SPMIP2: variants seen among roughly 807,000 people sequenced by gnomAD.
The protein encoded by SPMIP2 is protein SPMIP2.
the SPMIP2 span, among the ~76,000 whole-genome samples, chr4:159,055,326 A>T: frequency 2.6e-5 from 4 of 152,176 alleles, no homozygotes; most frequent in Non-Finnish European, 5.9e-5. Flanking sequence ...TACAAATGTC[A>T]TGGGAAACTG....
At chr4:159,076,629 A>AAT in the SPMIP2 span, among the ~76,000 whole-genome samples, 1 of 152,158 alleles carries the variant, frequency 6.6e-6, no homozygotes, top group Non-Finnish European at 1.5e-5. Flanking sequence ...AACAGTAATA[A>AAT]ATACTTTAAA....
chr4:158,986,400 G>A, the SPMIP2 span, among the ~76,000 whole-genome samples: 4 of 152,200 alleles, frequency 2.6e-5, no homozygotes, highest in Non-Finnish European at 5.9e-5. Flanking sequence ...CAAGGCTACA[G>A]TAACCAAAAC....
At chr4:159,080,838 C>T in the SPMIP2 span, among the ~76,000 whole-genome samples, 1 of 152,084 alleles carries the variant, frequency 6.6e-6, no homozygotes, top group South Asian at 2.1e-4. Context: ...GTTCTCCTGC[C>T]TCAGCCTCCT....
chr4:159,052,954 TA>T, the SPMIP2 span, among the ~76,000 whole-genome samples: 16 of 108,202 alleles, frequency 1.5e-4, no homozygotes, highest in South Asian at 1.1e-3. Flanking sequence ...TTATTATTAT[TA>T]TTTTTTTTTT....
the SPMIP2 span, among the ~76,000 whole-genome samples, chr4:159,019,891 A>G: frequency 1.3e-5 from 2 of 152,184 alleles, no homozygotes; most frequent in Admixed American, 6.5e-5. Context: ...ACAATAAATT[A>G]GAGTTGATTT....
the SPMIP2 span, among the ~76,000 whole-genome samples, chr4:158,987,415 T>C: frequency 6.6e-6 from 1 of 151,812 alleles, no homozygotes; most frequent in South Asian, 2.1e-4. Context: ...GGATTAAGAA[T>C]ATGTGGCACA....
At chr4:158,916,477 G>A in the SPMIP2 span, among the ~76,000 whole-genome samples, 5 of 152,138 alleles carry the variant, frequency 3.3e-5, no homozygotes, top group African/African-American at 1.2e-4. Flanking sequence ...TGTGGTGGGA[G>A]GGAAGTGACC....
At chr4:159,001,475 A>G in the SPMIP2 span, among the ~76,000 whole-genome samples, 1 of 152,096 alleles carries the variant, frequency 6.6e-6, no homozygotes, top group African/African-American at 2.4e-5. Flanking sequence ...AGTACCCAAT[A>G]GTTACTTTTT....
the SPMIP2 span, among the ~76,000 whole-genome samples, chr4:158,929,824 C>A: frequency 6.6e-6 from 1 of 152,114 alleles, no homozygotes; most frequent in African/African-American, 2.4e-5. Flanking sequence ...AGTTACAAAT[C>A]AAAAATATAT....
the SPMIP2 span, chr4:158,907,883 A>G: frequency 6.6e-6 from 1 of 152,192 alleles, no homozygotes; most frequent in African/African-American, 2.4e-5. Context: ...AAATTCTGGA[A>G]TTTGTCATTT....
chr4:159,052,422 T>C, the SPMIP2 span, among the ~76,000 whole-genome samples: 1 of 151,932 alleles, frequency 6.6e-6, no homozygotes, highest in Non-Finnish European at 1.5e-5. Context: ...ACACAACCCC[T>C]GCACACGGTA....
At chr4:158,921,966 C>T in the SPMIP2 span, among the ~76,000 whole-genome samples, 1 of 147,814 alleles carries the variant, frequency 6.8e-6, no homozygotes, top group Non-Finnish European at 1.5e-5. Flanking sequence ...TGGCTCACTG[C>T]AAGTTCCACC....
the SPMIP2 span, among the ~76,000 whole-genome samples, chr4:158,968,433 C>A: frequency 0.65 from 98,794 of 152,130 alleles, 32,276 homozygotes; most frequent in Middle Eastern, 0.71. Flanking sequence ...GGGATGCATA[C>A]CTTATAAGAT....
At chr4:158,902,010 C>T in the SPMIP2 span, among the ~76,000 whole-genome samples, 1 of 152,044 alleles carries the variant, frequency 6.6e-6, no homozygotes, top group Non-Finnish European at 1.5e-5. Context: ...ACTCAATTCT[C>T]CATCCAGTTT....
At chr4:158,961,163 C>T in the SPMIP2 span, among the ~76,000 whole-genome samples, 1,351 of 152,036 alleles carry the variant, frequency 8.9e-3, 12 homozygotes, top group Non-Finnish European at 0.013. Flanking sequence ...GTATGGGATG[C>T]GCTATTCATA....
At chr4:158,925,899 AG>A in the SPMIP2 span, among the ~76,000 whole-genome samples, 1 of 152,262 alleles carries the variant, frequency 6.6e-6, no homozygotes, top group Non-Finnish European at 1.5e-5. Context: ...TGTCTAGTAA[AG>A]ACTTGCTTCC....
the SPMIP2 span, among the ~76,000 whole-genome samples, chr4:158,923,226 G>A: frequency 5.3e-5 from 8 of 152,048 alleles, no homozygotes; most frequent in East Asian, 3.9e-4. Flanking sequence ...GGATTGTTTC[G>A]ACTATTCTGG....
the SPMIP2 span, among the ~76,000 whole-genome samples, chr4:158,949,645 G>A: frequency 6.6e-6 from 1 of 152,200 alleles, no homozygotes. Flanking sequence ...CATATTGTTA[G>A]GCTTCCTTCC....
At chr4:159,040,851 A>G in the SPMIP2 span, among the ~76,000 whole-genome samples, 1 of 152,218 alleles carries the variant, frequency 6.6e-6, no homozygotes, top group African/African-American at 2.4e-5. Context: ...TCAAATCCCA[A>G]CAACTCGTCT....
Sources: gnomAD v4.1 joint callset for allele counts (sites outside exome capture counted in the v4.1 genomes callset) on GRCh38, gnomAD v4.1.1 for gene constraint, MANE v1.5 for transcripts, NCBI Gene and HGNC (gene_info 2026-07-23, HGNC 2026-07-21) for gene names.